Variants in FARS2 observed in about 807,000 individuals in gnomAD.
FARS2 encodes phenylalanine--tRNA ligase, mitochondrial.
In FARS2, 40 loss-of-function variants were observed where a neutral mutation model predicts 46.4. That is an observed-to-expected ratio of 0.86 (90% confidence interval 0.67 to 1.12). FARS2 has a LOEUF of 1.12. FARS2 is among the 50% of genes most tolerant of loss of function. The pLI is 0.00. For missense variants in FARS2, 513 were observed against 567.9 expected (o/e 0.90, Z 0.98); for synonymous variants, 234 against 214.9 (o/e 1.09, Z -0.78).
chr6:5,523,663 T>C (rs760992762), intron 4 of FARS2, among the ~76,000 whole-genome samples: 1 of 152,210 alleles, frequency 6.6e-6, no homozygotes, highest in Non-Finnish European at 1.5e-5. Flanking sequence ...GCGGCGTGCT[T>C]GGGTGCCAAT....
intron 1 of FARS2, among the ~76,000 whole-genome samples, chr6:5,362,924 TTTC>T (rs1466530434): frequency 4.2e-5 from 5 of 119,536 alleles, no homozygotes; most frequent in African/African-American, 1.2e-4. Flanking sequence ...TTTTTCTTTC[TTTC>T]TTTTTTTTTT....
intron 3 of FARS2, among the ~76,000 whole-genome samples, chr6:5,406,507 A>G (rs993693646): frequency 2.0e-5 from 3 of 152,102 alleles, no homozygotes; most frequent in Non-Finnish European, 1.5e-5. Flanking sequence ...TGCATTTTTT[A>G]GGTTTATATA....
intron 1 of FARS2, among the ~76,000 whole-genome samples, chr6:5,336,280 A>G (rs1250626270): frequency 2.6e-5 from 4 of 152,116 alleles, no homozygotes; most frequent in African/African-American, 9.7e-5. Flanking sequence ...CTTCAGGGTT[A>G]TAAAATAAGA....
chr6:5,412,718 T>A (rs878984261), intron 3 of FARS2, among the ~76,000 whole-genome samples: 1 of 152,228 alleles, frequency 6.6e-6, no homozygotes, highest in Non-Finnish European at 1.5e-5. Context: ...TGGAATCACA[T>A]CAAAAATTGT....
At chr6:5,339,572 G>A (rs1274913595) in intron 1 of FARS2, among the ~76,000 whole-genome samples, 1 of 152,032 alleles carries the variant, frequency 6.6e-6, no homozygotes, top group African/African-American at 2.4e-5. Context: ...GACCACAGGT[G>A]CATGCTACCT....
At chr6:5,632,542 A>C (rs1776340987) in intron 6 of FARS2, among the ~76,000 whole-genome samples, 1 of 144,886 alleles carries the variant, frequency 6.9e-6, no homozygotes, top group Non-Finnish European at 1.5e-5. Context: ...TAGCCCACCC[A>C]CTCTTCCTTC....
upstream of FARS2, among the ~76,000 whole-genome samples, chr6:5,257,201 C>T (rs534159011): frequency 6.6e-6 from 1 of 152,132 alleles, no homozygotes; most frequent in Non-Finnish European, 1.5e-5. Context: ...GCACGGCCCC[C>T]AGGCCCTCAA....
At chr6:5,753,977 T>A (rs2150968198) in intron 6 of FARS2, among the ~76,000 whole-genome samples, 1 of 152,316 alleles carries the variant, frequency 6.6e-6, no homozygotes, top group East Asian at 1.9e-4. Flanking sequence ...TGCTCTTACT[T>A]TTTTCTTTTT....
chr6:5,758,435 T>C (rs57418738), intron 6 of FARS2, among the ~76,000 whole-genome samples: 2 of 152,084 alleles, frequency 1.3e-5, no homozygotes, highest in Admixed American at 6.5e-5. Flanking sequence ...GAAAAACTTA[T>C]CCGCTCTCAG....
At chr6:5,473,346 G>A (rs983335445) in intron 4 of FARS2, among the ~76,000 whole-genome samples, 6 of 152,112 alleles carry the variant, frequency 3.9e-5, no homozygotes, top group African/African-American at 1.2e-4. Context: ...CTAACACAGC[G>A]AAACCCCGTC....
intron 1 of FARS2, among the ~76,000 whole-genome samples, chr6:5,333,569 G>A (rs1770944090): frequency 6.6e-6 from 1 of 152,172 alleles, no homozygotes; most frequent in African/African-American, 2.4e-5. Context: ...AGATAGTATG[G>A]ACATGTCTGA....
rs189373391 is a variant in FARS2, at chr6:5,321,827, C to T, written c.-21-46723C>T. On this transcript the variant is annotated intron_variant, in intron 1 of 6. Transcript: ENST00000274680. ...TTTAGGAAGTCAAGTAGCCGTTTCCCGGAATCTTTAGTAAAGATTAACTAG... is the reference window on the plus strand; with the variant it reads ...TTTAGGAAGTCAAGTAGCCGTTTCCTGGAATCTTTAGTAAAGATTAACTAG... Among the ~76,000 whole-genome samples the T allele has an allele frequency of 1.7e-4, 26 of 152,234 alleles. No homozygotes were observed. The East Asian group carries it at 4.1e-3, about 24-fold the overall frequency.
chr6:5,623,738 A>G (rs1288786958), intron 6 of FARS2, among the ~76,000 whole-genome samples: 1 of 149,668 alleles, frequency 6.7e-6, no homozygotes, highest in Non-Finnish European at 1.5e-5. Context: ...TAAAATAAAG[A>G]CTTTGTAAAG....
At chr6:5,500,187 G>A (rs1767707430) in intron 4 of FARS2, among the ~76,000 whole-genome samples, 1 of 152,024 alleles carries the variant, frequency 6.6e-6, no homozygotes, top group South Asian at 2.1e-4. Flanking sequence ...CCTCCCTCTC[G>A]CCCTCCCTCC....
At chr6:5,342,743 A>G (rs1163993391) in intron 1 of FARS2, among the ~76,000 whole-genome samples, 1 of 150,368 alleles carries the variant, frequency 6.7e-6, no homozygotes, top group African/African-American at 2.5e-5. Flanking sequence ...CAAGAGCGAG[A>G]CTCTGTCTAA....
chr6:5,692,872 C>T (rs137907740), intron 6 of FARS2, among the ~76,000 whole-genome samples: 2 of 152,294 alleles, frequency 1.3e-5, no homozygotes, highest in Non-Finnish European at 2.9e-5. Context: ...TCACCAAGCC[C>T]ACCAAGTTGC....
chr6:5,555,795 A>G (rs1336790057), intron 5 of FARS2, among the ~76,000 whole-genome samples: 2 of 152,148 alleles, frequency 1.3e-5, no homozygotes, highest in South Asian at 4.1e-4. Flanking sequence ...AAAAAAACTA[A>G]TAGGAAGGGA....
At chr6:5,568,244 C>T (rs1772433640) in intron 5 of FARS2, among the ~76,000 whole-genome samples, 1 of 152,136 alleles carries the variant, frequency 6.6e-6, no homozygotes, top group South Asian at 2.1e-4. Flanking sequence ...GTCAACATAG[C>T]AAGGGGGAAA....
At chr6:5,459,515 C>A (rs907874963) in intron 4 of FARS2, among the ~76,000 whole-genome samples, 1 of 151,990 alleles carries the variant, frequency 6.6e-6, no homozygotes, top group Non-Finnish European at 1.5e-5. Context: ...CCTTTGTGGG[C>A]GGTGGTGGAA....
Sources: allele counts gnomAD v4.1 joint callset (sites outside exome capture counted in the v4.1 genomes callset), GRCh38; gene constraint gnomAD v4.1.1; transcripts MANE v1.5; gene names NCBI Gene and HGNC (gene_info 2026-07-23, HGNC 2026-07-21).